The following CSMD1 variants were observed in gnomAD, a reference collection of about 807,000 sequenced individuals.
CSMD1 encodes CUB and sushi domain-containing protein 1.
CSMD1 carries 213 observed loss-of-function variants against 417.5 expected under a neutral mutation model. The ratio of observed to expected loss-of-function variants is 0.51; its 90% confidence interval spans 0.46 to 0.57. The LOEUF (loss-of-function observed/expected upper bound fraction) is 0.57. CSMD1 is among the 20% of genes least tolerant of loss of function. The pLI is 0.00. For missense variants in CSMD1, 6,923 were observed against 4,529.7 expected (o/e 1.53, Z -15.17); for synonymous variants, 2,862 against 1,736.8 (o/e 1.65, Z -16.11).
chr8:3,561,686 G>C (rs563733200), intron 10 of CSMD1, among the ~76,000 whole-genome samples: 2 of 152,168 alleles, frequency 1.3e-5, no homozygotes, highest in African/African-American at 2.4e-5. Context: ...CTGATATTCA[G>C]GTGATGGGTG....
chr8:3,501,883 C>T (rs1042803390), intron 10 of CSMD1, among the ~76,000 whole-genome samples: 12 of 152,150 alleles, frequency 7.9e-5, no homozygotes, highest in Non-Finnish European at 8.8e-5. Flanking sequence ...GATAAGGAGA[C>T]AAACTGACCA....
intron 1 of CSMD1, among the ~76,000 whole-genome samples, chr8:4,730,160 A>T (rs1809748615): frequency 6.6e-6 from 1 of 152,138 alleles, no homozygotes; most frequent in Non-Finnish European, 1.5e-5. Flanking sequence ...AATGCAAAGC[A>T]TGGTCTCAGT....
intron 2 of CSMD1, among the ~76,000 whole-genome samples, chr8:4,435,023 G>A (rs912546531): frequency 6.6e-5 from 10 of 152,182 alleles, no homozygotes; most frequent in South Asian, 6.2e-4. Context: ...AGACATTTAA[G>A]AAGCCAATAC....
At chr8:4,694,600 T>A (rs1282499277) in intron 1 of CSMD1, among the ~76,000 whole-genome samples, 1 of 151,992 alleles carries the variant, frequency 6.6e-6, no homozygotes, top group East Asian at 2.0e-4. Flanking sequence ...CCTGACCTCA[T>A]GACCTGCCCA....
intron 1 of CSMD1, among the ~76,000 whole-genome samples, chr8:4,674,773 G>C (rs776903445): frequency 7.9e-5 from 12 of 152,202 alleles, no homozygotes; most frequent in Admixed American, 7.2e-4. Flanking sequence ...GCATGCTATA[G>C]ATTGAATCGT....
chr8:3,502,548 C>T (rs984104921), intron 10 of CSMD1, among the ~76,000 whole-genome samples: 2 of 152,034 alleles, frequency 1.3e-5, no homozygotes, highest in Non-Finnish European at 2.9e-5. Context: ...AATGAGCTGT[C>T]AAGCCATGAG....
At chr8:4,942,291 A>T (rs1808056497) in intron 1 of CSMD1, among the ~76,000 whole-genome samples, 1 of 152,022 alleles carries the variant, frequency 6.6e-6, no homozygotes, top group East Asian at 1.9e-4. Context: ...CTATGATTCA[A>T]AAGAATTCCT....
chr8:3,184,510 C>G (rs928611285), intron 36 of CSMD1, among the ~76,000 whole-genome samples: 3 of 152,176 alleles, frequency 2.0e-5, no homozygotes, highest in Non-Finnish European at 2.9e-5. Context: ...CATCTCCTGC[C>G]TGGGCTAATG....
intron 3 of CSMD1, among the ~76,000 whole-genome samples, chr8:4,233,429 C>G (rs909513308): frequency 1.5e-4 from 23 of 152,124 alleles, no homozygotes; most frequent in African/African-American, 4.8e-4. Context: ...AACCTGACCC[C>G]GAATGTGATG....
intron 2 of CSMD1, among the ~76,000 whole-genome samples, chr8:4,426,279 TC>T (rs1797548498): frequency 6.6e-6 from 1 of 151,686 alleles, no homozygotes; most frequent in African/African-American, 2.4e-5. Context: ...CAATTTCTGT[TC>T]TAGAATTCAT....
chr8:2,973,174 G>C lies in CSMD1; in HGVS notation c.8866C>G (p.Pro2956Ala), dbSNP rs760839041. The change falls in exon 57 of 70, where the codon CCT becomes GCT. Residue 2956 changes from proline to alanine, a missense_variant. Physicochemically the swap from Pro to Ala is conservative, Grantham distance 27 (BLOSUM62 -1). Coordinates refer to ENST00000635120, the MANE Select transcript of CSMD1 (RefSeq NM_033225.6). The part of the protein sequence containing the change: ...CEMGHQLRGS[P>A]ERTCLLNGSW... ...CCATTGAGCAAACACGTGCGTTCAGGGGAGCCCCTCAGCTGGTGCCCCATT... is the reference window on the plus strand; with the variant it reads ...CCATTGAGCAAACACGTGCGTTCAGCGGAGCCCCTCAGCTGGTGCCCCATT... 1.2e-5 allele frequency: 20 copies of C among 1,613,716 alleles called. No homozygotes were observed. Among genetic ancestry groups the C allele is most frequent in the East Asian group, 2.2e-5 (1 of 44,864 alleles).
chr8:3,984,231 C>A (rs1242445742), intron 5 of CSMD1, among the ~76,000 whole-genome samples: 3 of 138,818 alleles, frequency 2.2e-5, no homozygotes, highest in Non-Finnish European at 3.2e-5. Flanking sequence ...GTGAAGCCAT[C>A]CTGCAAAGCG....
rs575764154 is a variant in CSMD1 at position 4,274,547 on chromosome 8, T to A, written c.415+145406A>T. Among the ~76,000 whole-genome samples, 7 of 152,270 alleles carry A rather than the reference T, an allele frequency of 4.6e-5. No homozygotes were observed. The East Asian group carries it at 1.4e-3, about 29-fold the overall frequency. ...TCCACAAATTATAGTAAGAGGTCTG[T>A]GTTTATAGGGAAGGCCTTCTGTTCT... On this transcript the variant is annotated intron_variant, in intron 3 of 69. Coordinates refer to ENST00000635120, the MANE Select transcript of CSMD1 (RefSeq NM_033225.6).
At chr8:4,653,973 A>G (rs1380420202) in intron 1 of CSMD1, among the ~76,000 whole-genome samples, 1 of 152,046 alleles carries the variant, frequency 6.6e-6, no homozygotes. Flanking sequence ...GGTTTCATTT[A>G]CTCATGATTA....
At chr8:4,639,020 G>C (rs1330236303) in intron 1 of CSMD1, among the ~76,000 whole-genome samples, 2 of 152,298 alleles carry the variant, frequency 1.3e-5, no homozygotes, top group African/African-American at 2.4e-5. Flanking sequence ...AGCTCTGGGA[G>C]ATTAGTAACA....
chr8:3,845,777 G>C (rs896740958), intron 5 of CSMD1, among the ~76,000 whole-genome samples: 2 of 152,058 alleles, frequency 1.3e-5, no homozygotes, highest in Non-Finnish European at 2.9e-5. Flanking sequence ...TTGTACAGCT[G>C]TATAAAATAT....
chr8:4,561,817 G>A (rs1798354588), intron 2 of CSMD1, among the ~76,000 whole-genome samples: 1 of 152,176 alleles, frequency 6.6e-6, no homozygotes, highest in Non-Finnish European at 1.5e-5. Context: ...GAACATACCT[G>A]TTGACTGCTG....
chr8:4,396,683 G>C (rs1444715817), intron 3 of CSMD1, among the ~76,000 whole-genome samples: 1 of 151,594 alleles, frequency 6.6e-6, no homozygotes, highest in Non-Finnish European at 1.5e-5. Context: ...ACACCCAATG[G>C]AATACCGATC....
chr8:3,482,200 T>G (rs558722982), intron 11 of CSMD1, among the ~76,000 whole-genome samples: 1 of 152,068 alleles, frequency 6.6e-6, no homozygotes, highest in East Asian at 1.9e-4. Flanking sequence ...ACCTTAAATA[T>G]AAATGGTCTA....
Sources: gnomAD v4.1 joint callset for allele counts (sites outside exome capture counted in the v4.1 genomes callset) on GRCh38, gnomAD v4.1.1 for gene constraint, MANE v1.5 for transcripts, NCBI Gene and HGNC (gene_info 2026-07-23, HGNC 2026-07-21) for gene names.